The following ARHGAP20 variants were observed in gnomAD, a reference collection of about 807,000 sequenced individuals.
ARHGAP20 encodes the protein rho GTPase-activating protein 20.
Under a neutral mutation model 73.7 loss-of-function variants are expected in ARHGAP20, and 34 were observed. The ratio of observed to expected loss-of-function variants is 0.46; its 90% CI spans 0.35 to 0.61. ARHGAP20 has a LOEUF of 0.61. Among genes scored for constraint, ARHGAP20 ranks in the 20% least tolerant of loss-of-function variants. The pLI is 0.00. For missense variants in ARHGAP20, 1,314 were observed against 1,420.9 expected, an observed-to-expected ratio of 0.92 and a Z score of 1.21; for synonymous variants, 523 against 518.2, an observed-to-expected ratio of 1.01 and a Z score of -0.13.
intron 1 of ARHGAP20, among the ~76,000 whole-genome samples, chr11:110,691,591 T>A (rs17487705): frequency 0.018 from 2,774 of 152,276 alleles, 46 homozygotes; most frequent in Middle Eastern, 0.058. Context: ...ATGTGATTCA[T>A]AAAGGAATTG....
chr11:110,649,963 T>C (rs1949312696), intron 2 of ARHGAP20, among the ~76,000 whole-genome samples: 1 of 152,140 alleles, frequency 6.6e-6, no homozygotes, highest in Non-Finnish European at 1.5e-5. Flanking sequence ...ATGTTTAAAT[T>C]ACCTACATTT....
chr11:110,619,926 G>A (rs1948592729), intron 4 of ARHGAP20, among the ~76,000 whole-genome samples: 1 of 152,172 alleles, frequency 6.6e-6, no homozygotes, highest in Non-Finnish European at 1.5e-5. Flanking sequence ...AAGCTCACAT[G>A]GATTGCCTGC....
chr11:110,663,818 A>G (rs935564627), intron 2 of ARHGAP20, among the ~76,000 whole-genome samples: 5 of 152,156 alleles, frequency 3.3e-5, no homozygotes, highest in Non-Finnish European at 7.4e-5. Context: ...CAGAACCAAC[A>G]CCTCTCATGA....
At chr11:110,647,958 C>T (rs905694866) in intron 2 of ARHGAP20, among the ~76,000 whole-genome samples, 1 of 151,292 alleles carries the variant, frequency 6.6e-6, no homozygotes, top group Non-Finnish European at 1.5e-5. Context: ...GTTAAGAATC[C>T]ATTGATATGT....
chr11:110,712,352 G>C lies in ARHGAP20; in HGVS notation c.-121C>G, dbSNP rs945974906. ...CGCGGCTGCCGTGCTCAGGCAGGGAGCCGAGCTCCGGGTGCTCGCCGCGCG... is the reference window on the plus strand; with the variant it reads ...CGCGGCTGCCGTGCTCAGGCAGGGACCCGAGCTCCGGGTGCTCGCCGCGCG... On this transcript the variant is annotated 5_prime_UTR_variant, in exon 1 of 15. Coordinates refer to ENST00000683387, the MANE Select transcript of ARHGAP20 (RefSeq NM_001384657.1). 853 of 779,422 alleles carry C rather than the reference G, an allele frequency of 1.1e-3. 3 individuals carry two copies. The highest frequency in any genetic ancestry group is 1.4e-3 in the Non-Finnish European group (792 of 568,848). The allele number at this position is 779,422 out of a possible 1,614,324, so 48.3% of individuals were successfully genotyped here.
chr11:110,703,774 T>C (rs1950502229), intron 1 of ARHGAP20, among the ~76,000 whole-genome samples: 1 of 152,140 alleles, frequency 6.6e-6, no homozygotes, highest in Non-Finnish European at 1.5e-5. Context: ...TTTCAACCTT[T>C]GGTCATGATA....
intron 4 of ARHGAP20, among the ~76,000 whole-genome samples, chr11:110,623,605 T>G (rs183946031): frequency 2.0e-4 from 30 of 152,342 alleles, no homozygotes; most frequent in Non-Finnish European, 3.5e-4. Context: ...GAAATTAGTT[T>G]TATTTGTATA....
intron 2 of ARHGAP20, among the ~76,000 whole-genome samples, chr11:110,634,290 C>G (rs1437701510): frequency 6.6e-6 from 1 of 152,040 alleles, no homozygotes; most frequent in Non-Finnish European, 1.5e-5. Context: ...GTTTTTTTAG[C>G]AGCTGAACAC....
intron 2 of ARHGAP20, among the ~76,000 whole-genome samples, chr11:110,684,778 T>G (rs764393260): frequency 3.9e-5 from 6 of 152,096 alleles, no homozygotes; most frequent in Non-Finnish European, 2.9e-5. Context: ...TGTAGCAACA[T>G]GTATGCAGCT....
At chr11:110,628,542 C>A (rs906951528) in intron 3 of ARHGAP20, among the ~76,000 whole-genome samples, 39 of 152,086 alleles carry the variant, frequency 2.6e-4, no homozygotes, top group African/African-American at 7.5e-4. Context: ...TCATCATCAT[C>A]ATCTCAAATA....
chr11:110,587,910 T>A (rs7925559), intron 11 of ARHGAP20, among the ~76,000 whole-genome samples: 3,646 of 152,348 alleles, frequency 0.024, 137 homozygotes, highest in African/African-American at 0.078. Context: ...GGTAAAGTGA[T>A]TGAATTTTCA....
At chr11:110,697,168 T>C (rs1307597681) in intron 1 of ARHGAP20, among the ~76,000 whole-genome samples, 1 of 151,704 alleles carries the variant, frequency 6.6e-6, no homozygotes, top group African/African-American at 2.4e-5. Flanking sequence ...AATCTCCATA[T>C]TGTTTACCAT....
Position 110,583,745 on chromosome 11 carries a change from C to T in ARHGAP20, c.1416-8G>A. 1 of 1,537,764 alleles carries T rather than the reference C, an allele frequency of 6.5e-7. No homozygotes were observed. Among genetic ancestry groups the T allele is most frequent in the Non-Finnish European group, 8.8e-7 (1 of 1,137,776 alleles). On this transcript the variant is annotated splice_region_variant and splice_polypyrimidine_tract_variant and intron_variant, in intron 12 of 14. Transcript: ENST00000683387. ...GGAAGCTGGTCTAATAGCCTAAAGA[C>T]AGAAAAATTACTCTTTAAGCAAGAC...
chr11:110,652,331 C>T (rs1949374065), intron 2 of ARHGAP20, among the ~76,000 whole-genome samples: 1 of 152,128 alleles, frequency 6.6e-6, no homozygotes, highest in South Asian at 2.1e-4. Flanking sequence ...CAGCACATGA[C>T]AATGATATGC....
At position 110,577,785 on chromosome 11, in the gene ARHGAP20, T is replaced by C. The variant is rs2134763488; in HGVS notation, c.*1585A>G. The C allele has an allele frequency of 1.0e-6, 1 of 985,848 alleles. No individual in the cohort carries two copies. The highest frequency in any genetic ancestry group is 1.2e-6 in the Non-Finnish European group (1 of 829,912). 61.1% of individuals were successfully genotyped at this position (985,848 alleles called of 1,614,324 possible). On this transcript the variant is annotated 3_prime_UTR_variant, in exon 15 of 15. Transcript: ENST00000683387. The stretch of plus-strand genomic sequence containing the variant: ...CAAACAGGGCCATGTCCCCAAGAGG[T>C]AGGTAGCACCTATAGCTAATACTGA...
intron 2 of ARHGAP20, among the ~76,000 whole-genome samples, chr11:110,674,178 C>T (rs1202552019): frequency 1.3e-5 from 2 of 152,170 alleles, no homozygotes; most frequent in African/African-American, 4.8e-5. Flanking sequence ...TCATGATCCA[C>T]CTGCCTCAGC....
chr11:110,707,856 T>C (rs539628139), intron 1 of ARHGAP20, among the ~76,000 whole-genome samples: 22 of 137,762 alleles, frequency 1.6e-4, no homozygotes, highest in African/African-American at 5.3e-4. Flanking sequence ...CATTTATTCA[T>C]TTTTTTGTTT....
rs552518494 is a variant in ARHGAP20, at chr11:110,635,752, A to G, written c.189-4960T>C. On this transcript the variant is annotated intron_variant, in intron 2 of 14. Transcript: ENST00000683387. ...TGCTTGATATTATAGGTTGGAATTA[A>G]GCAGAGAACAAAGAAAAGGCCTACA... is the stretch of plus-strand genomic sequence containing the variant. Among the ~76,000 whole-genome samples, 279 of 152,198 alleles carry G rather than the reference A, an allele frequency of 1.8e-3. 4 individuals are homozygous for G. Among genetic ancestry groups the G allele is most frequent in the African/African-American group, 6.4e-3 (265 of 41,548 alleles).
intron 14 of ARHGAP20, 148 bp downstream of exon 14, chr11:110,582,173 G>C: frequency 2.9e-6 from 2 of 681,772 alleles, no homozygotes; most frequent in Non-Finnish European, 5.2e-6. Context: ...TCTAAGGAAG[G>C]ATCAAAAAGC....
Sources: gnomAD v4.1 joint callset for allele counts (sites outside exome capture counted in the v4.1 genomes callset) on GRCh38, gnomAD v4.1.1 for gene constraint, MANE v1.5 for transcripts, NCBI Gene and HGNC (gene_info 2026-07-23, HGNC 2026-07-21) for gene names.